AFG3L2: variants seen among roughly 807,000 people sequenced by gnomAD.
AFG3L2 encodes AFG3 like matrix AAA peptidase subunit 2, also known as mitochondrial inner membrane m-AAA protease component AFG3L2.
A neutral mutation model predicts 94.5 loss-of-function variants in AFG3L2; 54 were observed. That is an observed-to-expected ratio of 0.57 (90% CI 0.46 to 0.72). AFG3L2 has a LOEUF of 0.72. Among genes scored for constraint, AFG3L2 ranks in the 30% least tolerant of loss-of-function variants. AFG3L2 has a pLI of 0.00. For synonymous variants in AFG3L2, 377 were observed against 365.5 expected (o/e 1.03, Z -0.36); for missense variants, 754 against 994.9 (o/e 0.76, Z 3.26).
intron 13 of AFG3L2, among the ~76,000 whole-genome samples, chr18:12,346,534 A>G (rs1391294620): frequency 6.6e-6 from 1 of 152,180 alleles, no homozygotes; most frequent in East Asian, 1.9e-4. Flanking sequence ...TGGTGCTCAC[A>G]GTGATGACTG....
intron 8 of AFG3L2, among the ~76,000 whole-genome samples, chr18:12,357,064 C>T (rs577912127): frequency 6.6e-6 from 1 of 152,172 alleles, no homozygotes; most frequent in Non-Finnish European, 1.5e-5. Flanking sequence ...TAAAATATTT[C>T]CTTTTTTTCC....
At chr18:12,357,630 C>T (rs1908534488) in intron 8 of AFG3L2, among the ~76,000 whole-genome samples, 1 of 151,432 alleles carries the variant, frequency 6.6e-6, no homozygotes, top group Non-Finnish European at 1.5e-5. Flanking sequence ...GATAGAGTTT[C>T]ACTCTTGTCC....
chr18:12,348,093 A>AGGAGGAGAG (rs899639276), intron 13 of AFG3L2, among the ~76,000 whole-genome samples, 180 bp downstream of exon 13: 1 of 152,188 alleles, frequency 6.6e-6, no homozygotes, highest in Non-Finnish European at 1.5e-5. Context: ...GGCAGGAAGA[A>AGGAGGAGAG]GGAGGAGAGG....
Position 12,363,953 on chromosome 18 carries a change from C to A in AFG3L2, c.553-97G>T, listed in dbSNP as rs982433558. The A allele has an allele frequency of 7.6e-6, 7 of 926,424 alleles. No homozygotes were observed. The African/African-American group carries it at 9.8e-5, about 13-fold the overall frequency. 57.4% of individuals were successfully genotyped at this position (926,424 alleles called of 1,614,324 possible). ...AAATGCATATGATGTTTCAGCCACACAAGGAAAGAATAAAGAATCAGATAA... is the reference window on the plus strand; with the variant it reads ...AAATGCATATGATGTTTCAGCCACAAAAGGAAAGAATAAAGAATCAGATAA... On this transcript the variant is annotated intron_variant, in intron 5 of 16. Transcript: ENST00000269143.
At chr18:12,371,451 T>C in intron 2 of AFG3L2, 141 bp downstream of exon 2, 3 of 724,402 alleles carry the variant, frequency 4.1e-6, no homozygotes, top group East Asian at 2.7e-5. Context: ...TTTCATTATC[T>C]ACAAATGTGT....
Position 12,329,057 on chromosome 18 carries a change from T to G in AFG3L2, c.*508A>C, listed in dbSNP as rs1907424400. ...CAGCTCCTGTAGAAAACCATTCCAT[T>G]AAGACAGCAACAAGTGATCTGGATT... is the stretch of plus-strand genomic sequence containing the variant. On this transcript the variant is annotated 3_prime_UTR_variant, in exon 17 of 17. Coordinates refer to ENST00000269143, the MANE Select transcript of AFG3L2 (RefSeq NM_006796.3). The G allele has an allele frequency of 5.8e-6, 4 of 690,790 alleles. No homozygotes were observed. In the East Asian group the frequency reaches 1.1e-4, roughly 19 times the overall value. The allele number at this position is 690,790 out of a possible 1,614,324, so 42.8% of individuals were successfully genotyped here.
chr18:12,364,932 A>C (rs1414829552), intron 5 of AFG3L2, among the ~76,000 whole-genome samples: 1 of 152,154 alleles, frequency 6.6e-6, no homozygotes, highest in Non-Finnish European at 1.5e-5. Context: ...AGCCTCCCAA[A>C]GTGCACAGAT....
intron 1 of AFG3L2, among the ~76,000 whole-genome samples, chr18:12,375,277 C>CA (rs758808813): frequency 5.3e-4 from 73 of 137,138 alleles, no homozygotes; most frequent in Non-Finnish European, 9.9e-4. Flanking sequence ...TTTTAGGAGA[C>CA]AGAGTCCGTC....
intron 9 of AFG3L2, 71 bp from the exon 10 acceptor site, chr18:12,353,229 A>T: frequency 6.3e-7 from 1 of 1,583,176 alleles, no homozygotes; most frequent in Non-Finnish European, 8.6e-7. Context: ...AAATGAAATA[A>T]ATCGGCCGGG....
intron 9 of AFG3L2, 44 bp from the exon 10 acceptor site, chr18:12,353,202 T>C (rs372075395): frequency 8.1e-6 from 13 of 1,599,724 alleles, no homozygotes; most frequent in East Asian, 4.5e-5. Flanking sequence ...GAGAATATTA[T>C]GTATTCTCTG....
intron 1 of AFG3L2, among the ~76,000 whole-genome samples, chr18:12,374,282 C>T (rs890430361): frequency 1.3e-5 from 2 of 152,074 alleles, no homozygotes; most frequent in African/African-American, 4.8e-5. Flanking sequence ...TTGAGAGCAC[C>T]GCATTTTGGA....
chr18:12,337,233 CAG>C (rs1324374156), intron 16 of AFG3L2, 106 bp downstream of exon 16: 9 of 985,734 alleles, frequency 9.1e-6, no homozygotes, highest in Admixed American at 5.2e-5. Context: ...ATGGGTGAGC[CAG>C]AGAGAGGGAA....
At chr18:12,374,091 T>G (rs1172621342) in intron 1 of AFG3L2, among the ~76,000 whole-genome samples, 1 of 152,190 alleles carries the variant, frequency 6.6e-6, no homozygotes, top group East Asian at 1.9e-4. Context: ...TTAGGCTCTA[T>G]TTTCAAATTG....
At chr18:12,360,297 A>G (rs924196757) in intron 6 of AFG3L2, 4 of 457,966 alleles carry the variant, frequency 8.7e-6, no homozygotes, top group African/African-American at 2.0e-5. Flanking sequence ...TAAAATTATA[A>G]ACTCAAAAAA....
At chr18:12,358,250 C>T (rs138093532) in intron 8 of AFG3L2, among the ~76,000 whole-genome samples, 1 of 152,318 alleles carries the variant, frequency 6.6e-6, no homozygotes, top group African/African-American at 2.4e-5. Flanking sequence ...AGTGCTGTGT[C>T]CTCTCCACTG....
chr18:12,367,187 C>T, intron 4 of AFG3L2, 70 bp from the exon 5 acceptor site: 8 of 1,612,520 alleles, frequency 5.0e-6, no homozygotes, highest in Non-Finnish European at 6.8e-6. Context: ...CTGTGAGACA[C>T]AAATCCCTCC....
At position 12,353,416 on chromosome 18, in the gene AFG3L2, A is replaced by G. The variant is rs1377094012; in HGVS notation, c.1165-258T>C. Among the ~76,000 whole-genome samples the G allele has an allele frequency of 3.4e-5, 5 of 147,236 alleles. No homozygotes were observed. The East Asian group carries it at 1.1e-3, about 31-fold the overall frequency. ...GTGATCCCAGCTACTCAGGAGGCTG[A>G]GGCAGGAGAATCGCTTGAACCTGGG... On this transcript the variant is annotated intron_variant, in intron 9 of 16. Transcript: ENST00000269143.
intron 5 of AFG3L2, among the ~76,000 whole-genome samples, chr18:12,366,065 C>T (rs1343868822): frequency 1.3e-5 from 2 of 151,782 alleles, no homozygotes; most frequent in African/African-American, 2.4e-5. Context: ...TTAGTAGATT[C>T]GGGGGTTTCA....
In AFG3L2 at chr18:12,344,192, G is replaced by A; in HGVS notation, c.1719C>T (p.Tyr573=). The A allele has an allele frequency of 1.2e-6, 2 of 1,614,144 alleles. No homozygotes were observed. The highest frequency in any genetic ancestry group is 1.3e-5 in the African/African-American group (1 of 75,046). ...LQPEEKKTVA[Y]HEAGHAVAGW... ...CGGCAACCGCATGGCCTGCTTCGTG[G>A]TATGCCACAGTCTTCTTCTCCTCAG... is the stretch of plus-strand genomic sequence containing the variant. The change falls in exon 14 of 17, where the codon TAC becomes TAT. Residue 573 remains tyrosine (Y), a synonymous_variant. Coordinates refer to ENST00000269143, the MANE Select transcript of AFG3L2 (RefSeq NM_006796.3).
Sources: gnomAD v4.1 joint callset for allele counts (sites outside exome capture counted in the v4.1 genomes callset) on GRCh38, gnomAD v4.1.1 for gene constraint, MANE v1.5 for transcripts, NCBI Gene and HGNC (gene_info 2026-07-23, HGNC 2026-07-21) for gene names.